Variants in ASXL1 observed in about 807,000 individuals in gnomAD.
ASXL1 encodes polycomb group protein ASXL1.
Under a neutral mutation model 89.1 loss-of-function variants are expected in ASXL1, and 65 were observed. That is an observed-to-expected ratio of 0.73 (90% CI 0.60 to 0.90). The LOEUF (loss-of-function observed/expected upper bound fraction) is 0.90. Among genes scored for constraint, ASXL1 ranks in the 40% least tolerant of loss-of-function variants. The probability of loss-of-function intolerance (pLI) is 0.00; values close to 1 mark genes in which losing one functional copy is unlikely to be tolerated. For synonymous variants in ASXL1, 739 were observed against 746.9 expected (o/e 0.99, Z 0.17); for missense variants, 1,786 against 1,942.9 (o/e 0.92, Z 1.52).
Position 32,411,196 on chromosome 20 carries a change from C to T in ASXL1, c.253-16932C>T, listed in dbSNP as rs201355818. On this transcript the variant is annotated intron_variant, in intron 4 of 12. Coordinates refer to ENST00000375687, the MANE Select transcript of ASXL1 (RefSeq NM_015338.6). ...TAATTTATTCCCCCATTTGTTTATTCGTTGTGAATTTATGGATTCTTTTTT... is the reference window on the plus strand; with the variant it reads ...TAATTTATTCCCCCATTTGTTTATTTGTTGTGAATTTATGGATTCTTTTTT... 9.9e-5 allele frequency among the ~76,000 whole-genome samples: 10 copies of T among 101,176 alleles called. No homozygotes were observed. The East Asian group carries it at 2.1e-3, about 21-fold the overall frequency. 66.4% of individuals were successfully genotyped at this position (101,176 alleles called of 152,430 possible). A position where few individuals can be genotyped will look rare whatever the true frequency, so the allele number is the denominator to read the frequency against.
intron 4 of ASXL1, among the ~76,000 whole-genome samples, chr20:32,401,189 G>T (rs908453840): frequency 4.6e-5 from 7 of 152,192 alleles, no homozygotes; most frequent in African/African-American, 1.2e-4. Flanking sequence ...GAACTATTTT[G>T]AGCTGGCATG....
At position 32,431,439 on chromosome 20, in the gene ASXL1, C is replaced by G; in HGVS notation, c.837C>G (p.His279Gln). The G allele has an allele frequency of 6.2e-7, 1 of 1,614,248 alleles. No homozygotes were observed. Among genetic ancestry groups the G allele is most frequent in the South Asian group, 1.1e-5 (1 of 91,082 alleles). The change falls in exon 9 of 13, where the codon CAC (histidine) becomes CAG (glutamine). Residue 279 changes from histidine (H) to glutamine (Q), a missense_variant. Transcript: ENST00000375687. ...GGACCTTCCATGCCTTACCATCACA[C>G]TTCCAGCAGCAGCTCCTCTTCCTCC... ...NSRTFHALPSHFQQQLLFLLP... is the reference protein window; with the variant it reads ...NSRTFHALPSQFQQQLLFLLP...
chr20:32,428,622 C>G lies in ASXL1; in HGVS notation c.471+200C>G, dbSNP rs377134400. On this transcript the variant is annotated intron_variant, in intron 6 of 12. Coordinates refer to ENST00000375687, the MANE Select transcript of ASXL1 (RefSeq NM_015338.6). The stretch of plus-strand genomic sequence containing the variant: ...TGAGCAGAGTAAGTTTTTTCTCTTT[C>G]TTTACCTTGGCTGAGTGATTTTGTT... 4.4e-4 allele frequency: 86 copies of G among 196,792 alleles called. 1 individual carries two copies. Among genetic ancestry groups the G allele is most frequent in the African/African-American group, 2.8e-3 (82 of 29,218 alleles). 12.2% of individuals were successfully genotyped at this position (196,792 alleles called of 1,614,324 possible).
In ASXL1 at chr20:32,437,336, T is replaced by C; in HGVS notation, c.4624T>C (p.Ter1542GlnextTer1). The C allele has an allele frequency of 6.2e-7, 1 of 1,613,926 alleles. No homozygotes were observed. The highest frequency in any genetic ancestry group is 8.5e-7 in the Non-Finnish European group (1 of 1,179,884). Residue 1542 changes from the stop codon to glutamine (Q), a stop_lost, in exon 13 of 13, where the codon TAA (stop) becomes CAA (glutamine). Coordinates refer to ENST00000375687, the MANE Select transcript of ASXL1 (RefSeq NM_015338.6). ...CTGTGTATTGTGCCTTGTGGTGAGA[T>C]AATAAATTATGGCCATGGGAAACAT... ...KLCVLCLVVR[*>Q] is the part of the protein sequence containing the mutation.
intron 4 of ASXL1, among the ~76,000 whole-genome samples, chr20:32,411,057 A>T (rs1453260802): frequency 4.9e-5 from 3 of 61,628 alleles, no homozygotes; most frequent in Non-Finnish European, 1.2e-4. Flanking sequence ...TAAAAAAAAT[A>T]AAAAAAAATT....
chr20:32,394,443 T>C (rs911805004), intron 4 of ASXL1, among the ~76,000 whole-genome samples: 1 of 152,024 alleles, frequency 6.6e-6, no homozygotes. Flanking sequence ...CTGGCCTGGA[T>C]TGAGGATTTT....
At chr20:32,366,563 T>C (rs2048208229) in intron 2 of ASXL1, 97 bp downstream of exon 2, 9 of 1,596,516 alleles carry the variant, frequency 5.6e-6, no homozygotes, top group Admixed American at 3.4e-5. Flanking sequence ...TGTATGTATT[T>C]GTGCTTCTGT....
Position 32,436,519 on chromosome 20 carries a change from G to A in ASXL1, c.3807G>A (p.Ser1269=), listed in dbSNP as rs199834454. The A allele has an allele frequency of 2.0e-5, 33 of 1,614,224 alleles. No individual in the cohort carries two copies. In the Admixed American group the frequency reaches 2.3e-4, roughly 11 times the overall value. ...AGAGCCCAGGAGATCTTACTACCTC[G>A]AGAACACCTCGTTTCTCATCTCCAA... is the stretch of plus-strand genomic sequence containing the variant. ...PGKSPGDLTT[S]RTPRFSSPNV... The change falls in exon 13 of 13, where the codon TCG becomes TCA. Residue 1269 remains serine (S), a synonymous_variant. Transcript: ENST00000375687.
intron 4 of ASXL1, among the ~76,000 whole-genome samples, chr20:32,412,984 A>G (rs2049076816): frequency 1.3e-5 from 2 of 152,196 alleles, no homozygotes; most frequent in Admixed American, 1.3e-4. Flanking sequence ...TTGTAGTTGC[A>G]GAATATTAAA....
intron 4 of ASXL1, among the ~76,000 whole-genome samples, chr20:32,391,226 A>G (rs1353462223): frequency 2.0e-5 from 3 of 152,030 alleles, no homozygotes; most frequent in Non-Finnish European, 4.4e-5. Flanking sequence ...ATAGTATCTC[A>G]TTGTATAGAT....
chr20:32,405,858 A>T (rs2048945495), intron 4 of ASXL1, among the ~76,000 whole-genome samples: 1 of 152,052 alleles, frequency 6.6e-6, no homozygotes, highest in Non-Finnish European at 1.5e-5. Context: ...TCACTTGGTT[A>T]AGGTAGCATC....
chr20:32,392,117 A>T (rs1189429788), intron 4 of ASXL1, among the ~76,000 whole-genome samples: 1 of 151,350 alleles, frequency 6.6e-6, no homozygotes, highest in Non-Finnish European at 1.5e-5. Context: ...GCTATTTGTT[A>T]TTTATTTATT....
chr20:32,428,556 AGC>A, intron 6 of ASXL1, 134 bp downstream of exon 6: 1 of 799,330 alleles, frequency 1.3e-6, no homozygotes, highest in Non-Finnish European at 2.1e-6. Context: ...AGCTGTTAGT[AGC>A]ATTTAACAGG....
chr20:32,376,870 G>A (rs2377474), intron 4 of ASXL1, among the ~76,000 whole-genome samples: 87,580 of 137,872 alleles, frequency 0.64, 28,223 homozygotes, highest in East Asian at 0.83. Flanking sequence ...ATAATTATAT[G>A]TTATATATTT....
intron 4 of ASXL1, among the ~76,000 whole-genome samples, chr20:32,393,029 A>C (rs1047265054): frequency 7.6e-6 from 1 of 132,030 alleles, no homozygotes; most frequent in African/African-American, 2.5e-5. Context: ...CCGATTTCCT[A>C]TTCTATCAGT....
intron 4 of ASXL1, among the ~76,000 whole-genome samples, chr20:32,386,635 C>A (rs1220827786): frequency 6.6e-6 from 1 of 152,072 alleles, no homozygotes; most frequent in Non-Finnish European, 1.5e-5. Flanking sequence ...CCAGGCTGGT[C>A]TCAAGCTCCT....
intron 1 of ASXL1, among the ~76,000 whole-genome samples, chr20:32,364,735 G>A (rs1428014427): frequency 1.3e-5 from 2 of 152,196 alleles, no homozygotes; most frequent in Admixed American, 1.3e-4. Context: ...ATGAGGGCAG[G>A]TTTGCTTTGC....
intron 4 of ASXL1, among the ~76,000 whole-genome samples, chr20:32,401,360 C>T (rs775587030): frequency 2.0e-5 from 3 of 152,182 alleles, no homozygotes; most frequent in Non-Finnish European, 4.4e-5. Flanking sequence ...AATCAACCAA[C>T]CAACTTTAAT....
intron 1 of ASXL1, among the ~76,000 whole-genome samples, chr20:32,363,800 AAGAGTC>A (rs571684652): frequency 6.1e-4 from 93 of 152,268 alleles, no homozygotes; most frequent in Middle Eastern, 3.4e-3. Flanking sequence ...GCAGGAGAGA[AAGAGTC>A]AGAGTGGGTG....
Sources: allele counts gnomAD v4.1 joint callset (sites outside exome capture counted in the v4.1 genomes callset), GRCh38; gene constraint gnomAD v4.1.1; transcripts MANE v1.5; gene names NCBI Gene and HGNC (gene_info 2026-07-23, HGNC 2026-07-21).